The following ADAM28 variants were observed in gnomAD, a reference collection of about 807,000 sequenced individuals.
ADAM28 encodes the protein ADAM metallopeptidase domain 28, also known as disintegrin and metalloproteinase domain-containing protein 28.
ADAM28 carries 105 observed loss-of-function variants against 101.2 expected under a neutral mutation model. The observed-to-expected ratio is 1.04, with a 90% confidence interval of 0.89 to 1.22. The LOEUF (loss-of-function observed/expected upper bound fraction) is 1.22, where lower values mean the gene tolerates loss of function less well. Among genes scored for constraint, ADAM28 ranks in the 50% most tolerant of loss-of-function variants. The pLI is 0.00. For missense variants in ADAM28, 1,028 were observed against 945.4 expected, an observed-to-expected ratio of 1.09 and a Z score of -1.15; for synonymous variants, 322 against 310.6, an observed-to-expected ratio of 1.04 and a Z score of -0.39.
chr8:24,351,210 A>G, intron 19 of ADAM28, 22 bp from the exon 20 acceptor site: 11 of 1,526,214 alleles, frequency 7.2e-6, no homozygotes, highest in Non-Finnish European at 9.7e-6. Flanking sequence ...GTCAATTGAT[A>G]TCATGTGTTT....
intron 2 of ADAM28, among the ~76,000 whole-genome samples, chr8:24,300,449 C>T (rs564623185): frequency 6.6e-6 from 1 of 152,112 alleles, no homozygotes; most frequent in East Asian, 1.9e-4. Context: ...CAGAGTCTCG[C>T]TCTGTCGCCC....
intron 17 of ADAM28, 55 bp from the exon 18 acceptor site, chr8:24,343,451 C>A (rs1815029797): frequency 1.3e-6 from 2 of 1,539,132 alleles, no homozygotes; most frequent in South Asian, 1.1e-5. Flanking sequence ...ATGAGTAGGG[C>A]CTTGAGTTTC....
intron 18 of ADAM28, among the ~76,000 whole-genome samples, chr8:24,348,803 T>C (rs1057334167): frequency 1.3e-5 from 2 of 152,220 alleles, no homozygotes; most frequent in African/African-American, 4.8e-5. Flanking sequence ...CCATGTCTTT[T>C]CAAGTTTGGT....
intron 6 of ADAM28, among the ~76,000 whole-genome samples, chr8:24,317,843 C>T (rs549837797): frequency 2.7e-4 from 41 of 151,946 alleles, no homozygotes; most frequent in African/African-American, 9.6e-4. Context: ...AGATTCGGGT[C>T]TAAGGATACC....
chr8:24,355,107 A>ATGATAT lies in ADAM28; in HGVS notation c.*712_*717dup, dbSNP rs1816590120. 1 of 152,578 alleles carries ATGATAT rather than the reference A, an allele frequency of 6.6e-6. No homozygotes were observed. The highest frequency in any genetic ancestry group is 2.4e-5 in the African/African-American group (1 of 41,460). The allele number at this position is 152,578 out of a possible 1,614,324, so 9.5% of individuals were successfully genotyped here. A position where few individuals can be genotyped will look rare whatever the true frequency, so the allele number is the denominator to read the frequency against. On this transcript the variant is annotated 3_prime_UTR_variant, in exon 23 of 23. Coordinates refer to ENST00000265769, the MANE Select transcript of ADAM28 (RefSeq NM_014265.6). The stretch of plus-strand genomic sequence containing the variant: ...TGCACTGCAAATATATTTGGTCTGA[A>ATGATAT]TGATATTGATATTGGACACATAGTA...
At chr8:24,311,167 G>T (rs941241560) in intron 4 of ADAM28, among the ~76,000 whole-genome samples, 194 bp from the exon 5 acceptor site, 3 of 152,098 alleles carry the variant, frequency 2.0e-5, no homozygotes, top group African/African-American at 7.2e-5. Flanking sequence ...AACATTTTGG[G>T]ATCATTAACT....
In ADAM28 at chr8:24,326,642, A is replaced by T. The variant is rs370147717; in HGVS notation, c.972+7A>T. On this transcript the variant is annotated splice_region_variant and intron_variant, in intron 10 of 22. Coordinates refer to ENST00000265769, the MANE Select transcript of ADAM28 (RefSeq NM_014265.6). ...TTCTGTTGGCGTTGTTCAGGTCTGT[A>T]TGATGATAAACTGTTGGTTCTATGA... 6.2e-7 allele frequency: 1 copy of T among 1,607,990 alleles called. No homozygotes were observed. The highest frequency in any genetic ancestry group is 1.3e-5 in the African/African-American group (1 of 74,664).
chr8:24,353,756 T>A lies in ADAM28; in HGVS notation c.2245-14T>A. 6.9e-7 allele frequency: 1 copy of A among 1,439,496 alleles called. No homozygotes were observed. Among genetic ancestry groups the A allele is most frequent in the Non-Finnish European group, 9.8e-7 (1 of 1,022,352 alleles). The allele number at this position is 1,439,496 out of a possible 1,614,324, so 89.2% of individuals were successfully genotyped here. A position where few individuals can be genotyped will look rare whatever the true frequency, so the allele number is the denominator to read the frequency against. On this transcript the variant is annotated splice_polypyrimidine_tract_variant and intron_variant, in intron 21 of 22. Transcript: ENST00000265769. ...ATTTCTAATGCCATACCATTGTTTT[T>A]ATAATTAACGTAGCATAAAGACACA...
chr8:24,313,618 AT>A, intron 6 of ADAM28, 38 bp downstream of exon 6: 1 of 1,588,574 alleles, frequency 6.3e-7, no homozygotes, highest in African/African-American at 1.3e-5. Context: ...GCTCTCATGT[AT>A]TCTGCCCTGG....
chr8:24,353,798 C>A lies in ADAM28; in HGVS notation c.2273C>A (p.Thr758Asn), dbSNP rs777121677. 2.9e-5 allele frequency: 44 copies of A among 1,521,194 alleles called. No individual in the cohort carries two copies. In the South Asian group the frequency reaches 4.8e-4, roughly 17 times the overall value. The allele number at this position is 1,521,194 out of a possible 1,614,324, so 94.2% of individuals were successfully genotyped here. The change falls in exon 22 of 23, where the codon ACT becomes AAT. Residue 758 changes from threonine to asparagine, a missense_variant. Physicochemically the swap from Thr to Asn is moderately conservative, Grantham distance 65. Transcript: ENST00000265769. The stretch of plus-strand genomic sequence containing the variant: ...AAAGACACAAACGCACTTCCCCCTA[C>A]TGTTTTCAAGGATAATCCAGTGTCT... ...FHKDTNALPPTVFKDNPVSTP... is the reference protein window; with the variant it reads ...FHKDTNALPPNVFKDNPVSTP...
Position 24,351,277 on chromosome 8 carries a change from A to G in ADAM28, c.2145A>G (p.Lys715=). The G allele has an allele frequency of 6.2e-7, 1 of 1,611,552 alleles. No homozygotes were observed. The highest frequency in any genetic ancestry group is 8.5e-7 in the Non-Finnish European group (1 of 1,179,036). The part of the protein sequence containing the change: ...TGTRPHKQKR[K]PQMVKAVQPQ... ...CCAGGCCACACAAACAGAAGAGGAA[A>G]CCCCAGATGGTAAAGGCTGTTCAAC... The change falls in exon 20 of 23, where the codon AAA becomes AAG. Residue 715 remains lysine (K), a synonymous_variant. Coordinates refer to ENST00000265769, the MANE Select transcript of ADAM28 (RefSeq NM_014265.6).
rs375051536 is a variant in ADAM28, at chr8:24,351,256, G to A, written c.2124G>A (p.Arg708=). 1.9e-6 allele frequency: 3 copies of A among 1,608,504 alleles called. No homozygotes were observed. The highest frequency in any genetic ancestry group is 3.4e-5 in the Admixed American group (2 of 59,364). ...DQRPLSTTGT[R]PHKQKRKPQM... is the part of the protein sequence containing the mutation. ...GGCCACTATCTACCACTGGCACCAGGCCACACAAACAGAAGAGGAAACCCC... is the reference window on the plus strand; with the variant it reads ...GGCCACTATCTACCACTGGCACCAGACCACACAAACAGAAGAGGAAACCCC... The change falls in exon 20 of 23, where the codon AGG becomes AGA. Residue 708 remains arginine, a synonymous_variant. Transcript: ENST00000265769.
intron 1 of ADAM28, among the ~76,000 whole-genome samples, chr8:24,297,669 CTTATGGTATGCT>C (rs1808157422): frequency 6.6e-6 from 1 of 152,168 alleles, no homozygotes; most frequent in Non-Finnish European, 1.5e-5. Flanking sequence ...ACGTGGGTGC[CTTATGGTATGCT>C]TGTTTTGTGT....
chr8:24,347,574 A>T (rs990104405), intron 18 of ADAM28, among the ~76,000 whole-genome samples: 4 of 152,140 alleles, frequency 2.6e-5, no homozygotes. Flanking sequence ...AATTAAGCCT[A>T]ACATTGTTTA....
chr8:24,336,596 A>G (rs938519784), intron 14 of ADAM28, among the ~76,000 whole-genome samples: 3 of 141,810 alleles, frequency 2.1e-5, no homozygotes, highest in Non-Finnish European at 4.5e-5. Context: ...AAAAAAAAAA[A>G]AAAGAAAAAA....
At chr8:24,323,694 A>T (rs1163235474) in intron 8 of ADAM28, 140 bp from the exon 9 acceptor site, 13 of 846,348 alleles carry the variant, frequency 1.5e-5, no homozygotes, top group African/African-American at 3.4e-5. Context: ...TAGTCAATAC[A>T]TTCTGTTTCA....
intron 6 of ADAM28, among the ~76,000 whole-genome samples, chr8:24,313,811 G>A (rs1356621505): frequency 6.8e-6 from 1 of 147,138 alleles, no homozygotes; most frequent in Non-Finnish European, 1.5e-5. Context: ...GGGCTGTAGT[G>A]CAATGGTGTG....
At chr8:24,321,147 G>A (rs1811821541) in intron 7 of ADAM28, 71 bp from the exon 8 acceptor site, 2 of 852,184 alleles carry the variant, frequency 2.3e-6, no homozygotes, top group Non-Finnish European at 3.9e-6. Flanking sequence ...TATAAGAGAA[G>A]ATGCCTTTTT....
chr8:24,323,085 A>G (rs1001573218), intron 8 of ADAM28, among the ~76,000 whole-genome samples: 1 of 151,962 alleles, frequency 6.6e-6, no homozygotes, highest in African/African-American at 2.4e-5. Flanking sequence ...GGGGCTTGGA[A>G]GTCCAAATCA....
Sources: allele counts gnomAD v4.1 joint callset (sites outside exome capture counted in the v4.1 genomes callset), GRCh38; gene constraint gnomAD v4.1.1; transcripts MANE v1.5; gene names NCBI Gene and HGNC (gene_info 2026-07-23, HGNC 2026-07-21).